The following FRMD4A variants were observed in gnomAD, a reference collection of about 807,000 sequenced individuals.
The protein encoded by FRMD4A is FERM domain-containing protein 4A.
Under a neutral mutation model 129.1 loss-of-function variants are expected in FRMD4A, and 29 were observed. The ratio of observed to expected loss-of-function variants is 0.22; its 90% CI spans 0.17 to 0.31. FRMD4A has a LOEUF of 0.31. Among genes scored for constraint, FRMD4A ranks in the 10% least tolerant of loss-of-function variants. FRMD4A has a pLI of 1.00. For missense variants in FRMD4A, 1,272 were observed against 1,375.8 expected, an observed-to-expected ratio of 0.92 and a Z score of 1.19; for synonymous variants, 634 against 571.6, an observed-to-expected ratio of 1.11 and a Z score of -1.56.
intron 2 of FRMD4A, among the ~76,000 whole-genome samples, chr10:14,062,556 G>A (rs921034264): frequency 1.3e-5 from 2 of 152,218 alleles, no homozygotes; most frequent in Admixed American, 6.5e-5. Flanking sequence ...TGTAACCAAC[G>A]AGCTTCAAGT....
chr10:14,265,606 A>T (rs1844950444), intron 2 of FRMD4A, among the ~76,000 whole-genome samples: 1 of 152,238 alleles, frequency 6.6e-6, no homozygotes, highest in African/African-American at 2.4e-5. Context: ...TAGAAAAGCA[A>T]AACTGACGAT....
At chr10:14,188,684 C>T (rs1276314062) in intron 2 of FRMD4A, among the ~76,000 whole-genome samples, 1 of 152,200 alleles carries the variant, frequency 6.6e-6, no homozygotes, top group Non-Finnish European at 1.5e-5. Flanking sequence ...GTGGAAGGCT[C>T]ACTTAAGCCC....
intron 5 of FRMD4A, among the ~76,000 whole-genome samples, chr10:13,786,402 C>T (rs1032978864): frequency 3.3e-5 from 5 of 152,190 alleles, no homozygotes; most frequent in South Asian, 2.1e-4. Flanking sequence ...GTCAGGAGTT[C>T]GAGACCAGCC....
At chr10:13,777,791 ATTTTTT>A (rs34059772) in intron 6 of FRMD4A, among the ~76,000 whole-genome samples, 11 of 85,984 alleles carry the variant, frequency 1.3e-4, no homozygotes, top group Admixed American at 6.9e-4. Context: ...CTTTGGGTCA[ATTTTTT>A]TTTTTTTTTT....
At chr10:13,784,538 T>C (rs1363802869) in intron 5 of FRMD4A, among the ~76,000 whole-genome samples, 1 of 152,186 alleles carries the variant, frequency 6.6e-6, no homozygotes, top group Non-Finnish European at 1.5e-5. Flanking sequence ...GGGCAACAAC[T>C]TGGAATGTCC....
chr10:13,975,215 ATG>A (rs976278824), intron 2 of FRMD4A, among the ~76,000 whole-genome samples: 2 of 140,896 alleles, frequency 1.4e-5, no homozygotes, highest in African/African-American at 2.7e-5. Context: ...TCATATGTTA[ATG>A]TGTGTGTGTA....
chr10:14,118,984 AT>A (rs1838349467), intron 2 of FRMD4A, among the ~76,000 whole-genome samples: 1 of 152,166 alleles, frequency 6.6e-6, no homozygotes, highest in Non-Finnish European at 1.5e-5. Context: ...AGCCAGCCAG[AT>A]GTATTTCTCC....
chr10:13,689,907 C>T (rs2085516490), intron 15 of FRMD4A, among the ~76,000 whole-genome samples: 1 of 148,618 alleles, frequency 6.7e-6, no homozygotes, highest in African/African-American at 2.6e-5. Flanking sequence ...TATTAGTATC[C>T]TTCACAATTT....
At chr10:13,711,041 C>T (rs576185314) in intron 12 of FRMD4A, among the ~76,000 whole-genome samples, 1 of 152,196 alleles carries the variant, frequency 6.6e-6, no homozygotes, top group South Asian at 2.1e-4. Context: ...AAAAGGGTCC[C>T]AGGAACAGAA....
chr10:13,922,609 C>A (rs2095085987), intron 2 of FRMD4A, among the ~76,000 whole-genome samples: 1 of 152,200 alleles, frequency 6.6e-6, no homozygotes, highest in South Asian at 2.1e-4. Context: ...GCTCAAACCT[C>A]TACTTGAACT....
At position 14,072,688 on chromosome 10, in the gene FRMD4A, G is replaced by C. The variant is rs1345239201; in HGVS notation, c.46-213776C>G. Among the ~76,000 whole-genome samples the C allele has an allele frequency of 3.3e-5, 5 of 152,090 alleles. No homozygotes were observed. The East Asian group carries it at 9.6e-4, about 29-fold the overall frequency. ...TATCAGTTATTTTGGGAAAGGGGAG[G>C]GTTTTTTTAGAAGAGAAGAAACCAC... On this transcript the variant is annotated intron_variant, in intron 2 of 24. Transcript: ENST00000357447.
intron 2 of FRMD4A, among the ~76,000 whole-genome samples, chr10:14,180,387 C>T (rs1237073583): frequency 6.6e-6 from 1 of 152,098 alleles, no homozygotes. Context: ...TCTTTTTCCC[C>T]AAGTATGGAT....
chr10:13,814,673 G>A (rs1267206609), intron 3 of FRMD4A, among the ~76,000 whole-genome samples: 1 of 147,882 alleles, frequency 6.8e-6, no homozygotes, highest in Non-Finnish European at 1.5e-5. Context: ...CAGAGAGCAA[G>A]AGAAAGAAAG....
intron 2 of FRMD4A, among the ~76,000 whole-genome samples, chr10:14,196,630 T>C (rs1184223609): frequency 1.3e-5 from 2 of 152,268 alleles, no homozygotes; most frequent in Non-Finnish European, 2.9e-5. Context: ...GACATCTATG[T>C]GGTTGTCTAA....
At chr10:14,092,206 G>T (rs1205650931) in intron 2 of FRMD4A, among the ~76,000 whole-genome samples, 1 of 152,130 alleles carries the variant, frequency 6.6e-6, no homozygotes, top group Non-Finnish European at 1.5e-5. Context: ...CGGCTACTAG[G>T]GGCACCTGAC....
intron 3 of FRMD4A, among the ~76,000 whole-genome samples, chr10:13,855,521 C>A (rs1446576069): frequency 6.6e-6 from 1 of 152,150 alleles, no homozygotes; most frequent in East Asian, 1.9e-4. Context: ...ATGTTACAAA[C>A]CTTGTCAGGT....
At chr10:14,010,108 T>C (rs981137499) in intron 2 of FRMD4A, among the ~76,000 whole-genome samples, 14 of 144,748 alleles carry the variant, frequency 9.7e-5, no homozygotes, top group African/African-American at 3.4e-4. Context: ...TCCAGCTCAG[T>C]TTTGGGGTCG....
chr10:13,954,755 A>G (rs1336383202), intron 2 of FRMD4A, among the ~76,000 whole-genome samples: 2 of 152,170 alleles, frequency 1.3e-5, no homozygotes, highest in Non-Finnish European at 2.9e-5. Context: ...CCAAGGCAGC[A>G]CCTGCAGTTC....
intron 2 of FRMD4A, among the ~76,000 whole-genome samples, chr10:14,111,675 G>A (rs1482314256): frequency 6.6e-6 from 1 of 152,050 alleles, no homozygotes. Flanking sequence ...TATGGGCAAT[G>A]CATTACGTCA....
Sources: allele counts gnomAD v4.1 joint callset (sites outside exome capture counted in the v4.1 genomes callset), GRCh38; gene constraint gnomAD v4.1.1; transcripts MANE v1.5; gene names NCBI Gene and HGNC (gene_info 2026-07-23, HGNC 2026-07-21).